ANAPC5: variants seen among roughly 807,000 people sequenced by gnomAD.
The protein encoded by ANAPC5 is anaphase-promoting complex subunit 5.
Under a neutral mutation model 91.3 loss-of-function variants are expected in ANAPC5, and 60 were observed. That is an observed-to-expected ratio of 0.66 (90% CI 0.53 to 0.81). The LOEUF is 0.81. Ranked by LOEUF, ANAPC5 falls within the 40% of genes least tolerant of loss-of-function variation. ANAPC5 has a pLI of 0.00. For synonymous variants in ANAPC5, 340 were observed against 364.1 expected (o/e 0.93, Z 0.75); for missense variants, 690 against 931.5 (o/e 0.74, Z 3.37).
chr12:121,327,368 C>G lies in ANAPC5; in HGVS notation c.1305-137G>C, dbSNP rs1037726147. 3.8e-6 allele frequency: 4 copies of G among 1,052,712 alleles called. No homozygotes were observed. In the African/African-American group the frequency reaches 4.9e-5, roughly 13 times the overall value. 65.2% of individuals were successfully genotyped at this position (1,052,712 alleles called of 1,614,324 possible). ...CTGGCTTTCTTGGGAGCAGATGCCT[C>G]CCAGTGCCAGCAACCTTGCCCTCAG... On this transcript the variant is annotated intron_variant, in intron 10 of 16. Transcript: ENST00000261819.
chr12:121,348,981 G>A (rs1317924972), intron 1 of ANAPC5, among the ~76,000 whole-genome samples: 2 of 152,110 alleles, frequency 1.3e-5, no homozygotes, highest in Non-Finnish European at 2.9e-5. Context: ...AAGACCATTT[G>A]GGGCCTGGCG....
rs782337541 is a variant in ANAPC5 at position 121,335,730 on chromosome 12, C to G, written c.760-7G>C. ...TTAAGTAGCTGAGATAATGCTAAAA[C>G]AAGAAATAATCAATGTATTTTAAAC... is the stretch of plus-strand genomic sequence containing the variant. On this transcript the variant is annotated splice_polypyrimidine_tract_variant and splice_region_variant and intron_variant, in intron 6 of 16. Coordinates refer to ENST00000261819, the MANE Select transcript of ANAPC5 (RefSeq NM_016237.5). 2.5e-6 allele frequency: 4 copies of G among 1,599,774 alleles called. No individual in the cohort carries two copies. The East Asian group carries it at 9.0e-5, about 36-fold the overall frequency.
In ANAPC5 at chr12:121,346,972, A is replaced by T; in HGVS notation, c.321T>A (p.Asp107Glu). ...IKLMAEGELK[D>E]MEQFFDDLSD... Reference sequence around the variant, plus strand: ...AAAGGTCATCAAAAAACTGTTCCATATCCTTCAACTCGCCTTCAGCCATCA... The same window carrying T: ...AAAGGTCATCAAAAAACTGTTCCATTTCCTTCAACTCGCCTTCAGCCATCA... Residue 107 changes from aspartate (D) to glutamate (E), a missense_variant, in exon 3 of 17, where the codon GAT becomes GAA. This residue lies in a region of ANAPC5 where 238 missense variants were observed against 264.9 expected (regional missense o/e 0.90). Transcript: ENST00000261819. 1 of 1,611,244 alleles carries T rather than the reference A, an allele frequency of 6.2e-7. No individual in the cohort carries two copies. Among genetic ancestry groups the T allele is most frequent in the Non-Finnish European group, 8.5e-7 (1 of 1,179,268 alleles).
At chr12:121,352,631 G>T (rs1275531005), upstream of ANAPC5, among the ~76,000 whole-genome samples, 1 of 150,948 alleles carries the variant, frequency 6.6e-6, no homozygotes, top group African/African-American at 2.4e-5. Flanking sequence ...GACAGGGACC[G>T]GATGGGAGGG....
chr12:121,330,671 C>G lies in ANAPC5; in HGVS notation c.1034G>C (p.Ser345Thr). 2 of 1,613,774 alleles carry G rather than the reference C, an allele frequency of 1.2e-6. No individual in the cohort carries two copies. Among genetic ancestry groups the G allele is most frequent in the African/African-American group, 1.3e-5 (1 of 75,034 alleles). Residue 345 changes from serine (S) to threonine (T), a missense_variant and splice_region_variant, in exon 9 of 17, where the codon AGC becomes ACC. Transcript: ENST00000261819. ...NDHVCLQHCL[S>T]WLYVLGQKRS... is the part of the protein sequence containing the mutation. ...CTTCTGCCCCAGCACATAAAGCCAG[C>G]TCTGGCAAGAGAAATCATCAAAATA...
At position 121,345,924 on chromosome 12, in the gene ANAPC5, T is replaced by A. The variant is rs1328325652; in HGVS notation, c.505A>T (p.Thr169Ser). 1 of 1,614,224 alleles carries A rather than the reference T, an allele frequency of 6.2e-7. No homozygotes were observed. The highest frequency in any genetic ancestry group is 1.7e-5 in the Admixed American group (1 of 60,018). Residue 169 changes from threonine (T) to serine (S), a missense_variant, in exon 4 of 17, where the codon ACA becomes TCA. Around this residue, in one of 5 missense-constraint regions of ANAPC5, gnomAD observed 238 missense variants for 264.9 expected, o/e 0.90. Transcript: ENST00000261819. ...QQYFQNGEKK[T>S]VEDADMELTS... ...AGTTCCATATCAGCATCCTCCACTG[T>A]CTTTTTCTCACCATTCTGGAAGTAC...
intron 15 of ANAPC5, among the ~76,000 whole-genome samples, chr12:121,316,752 A>G (rs954089182): frequency 4.6e-5 from 7 of 151,114 alleles, no homozygotes; most frequent in Non-Finnish European, 7.4e-5. Flanking sequence ...AAAAAAAAAA[A>G]AAAAAGAAAA....
At position 121,331,987 on chromosome 12, in the gene ANAPC5, C is replaced by A. The variant is rs1903059719; in HGVS notation, c.951-559G>T. On this transcript the variant is annotated intron_variant, in intron 7 of 16. Transcript: ENST00000261819. ...TGAGTAGCTGGGACTAAGGCACTCACCACCATGCTTGGTCGGCTAATTTTT... is the reference window on the plus strand; with the variant it reads ...TGAGTAGCTGGGACTAAGGCACTCAACACCATGCTTGGTCGGCTAATTTTT... 3 of 152,158 alleles carry A rather than the reference C, an allele frequency of 2.0e-5. No individual in the cohort carries two copies. In the South Asian group the frequency reaches 6.2e-4, roughly 32 times the overall value. The allele number at this position is 152,158 out of a possible 1,614,324, so 9.4% of individuals were successfully genotyped here.
rs1593567254 is a variant in ANAPC5 at position 121,308,367 on chromosome 12, G to A, written c.*113C>T. 2 of 788,686 alleles carry A rather than the reference G, an allele frequency of 2.5e-6. No homozygotes were observed. Among genetic ancestry groups the A allele is most frequent in the Non-Finnish European group, 4.1e-6 (2 of 487,590 alleles). 48.9% of individuals were successfully genotyped at this position (788,686 alleles called of 1,614,324 possible). A position where few individuals can be genotyped will look rare whatever the true frequency, so the allele number is the denominator to read the frequency against. On this transcript the variant is annotated 3_prime_UTR_variant, in exon 17 of 17. Transcript: ENST00000261819. ...CAAAATAAGACAAACTAATCAGAAT[G>A]CTGTTTATTGACAAGATAGGGTGTC...
intron 10 of ANAPC5, chr12:121,328,033 G>T: frequency 3.2e-6 from 1 of 311,112 alleles, no homozygotes; most frequent in Non-Finnish European, 6.0e-6. Context: ...TGCGATCGCG[G>T]GTAGATCAGA....
chr12:121,335,308 G>A (rs1903188244), intron 7 of ANAPC5: 3 of 310,582 alleles, frequency 9.7e-6, no homozygotes, highest in Non-Finnish European at 1.8e-5. Flanking sequence ...TGGGACTACA[G>A]GTGCCTGCCA....
At chr12:121,313,426 A>G (rs1349194897) in intron 15 of ANAPC5, among the ~76,000 whole-genome samples, 1 of 152,204 alleles carries the variant, frequency 6.6e-6, no homozygotes, top group East Asian at 1.9e-4. Flanking sequence ...GATAAACAAA[A>G]TGGAGACTAA....
In ANAPC5 at chr12:121,328,331, C is replaced by A; in HGVS notation, c.1289G>T (p.Arg430Met). The A allele has an allele frequency of 6.2e-7, 1 of 1,613,868 alleles. No individual in the cohort carries two copies. Among genetic ancestry groups the A allele is most frequent in the Non-Finnish European group, 8.5e-7 (1 of 1,179,988 alleles). ...GGAGACCTACCTGCGGCCATACAGC[C>A]TCCAGATGGCCGTTTTCTGTGCGAT... ...ISIAQKTAIW[R>M]LYGRSTMALQ... Residue 430 changes from arginine (R) to methionine (M), a missense_variant, in exon 10 of 17, where the codon AGG (arginine) becomes ATG (methionine). Physicochemically the swap from Arg to Met is moderately conservative, Grantham distance 91. This residue lies in a region of ANAPC5 where 317 missense variants were observed against 438.7 expected (regional missense o/e 0.72). Coordinates refer to ENST00000261819, the MANE Select transcript of ANAPC5 (RefSeq NM_016237.5).
At chr12:121,350,574 C>T (rs374859800) in intron 1 of ANAPC5, among the ~76,000 whole-genome samples, 9 of 151,508 alleles carry the variant, frequency 5.9e-5, no homozygotes, top group Non-Finnish European at 1.2e-4. Flanking sequence ...CCAGCTACTC[C>T]GGAGGCTGAG....
chr12:121,335,476 C>T (rs533136122), intron 7 of ANAPC5, 57 bp downstream of exon 7: 4 of 1,526,508 alleles, frequency 2.6e-6, no homozygotes, highest in Non-Finnish European at 3.5e-6. Flanking sequence ...AAACAGCAGA[C>T]TTTTTATTGT....
At chr12:121,348,141 C>T (rs1300288382) in intron 1 of ANAPC5, among the ~76,000 whole-genome samples, 1 of 152,160 alleles carries the variant, frequency 6.6e-6, no homozygotes, top group East Asian at 1.9e-4. Flanking sequence ...TCCTTCTTAG[C>T]TTTGTAATCA....
intron 15 of ANAPC5, among the ~76,000 whole-genome samples, chr12:121,314,412 A>AAAAC (rs377348221): frequency 6.6e-6 from 1 of 152,172 alleles, no homozygotes; most frequent in African/African-American, 2.4e-5. Context: ...CTCTATCTCA[A>AAAAC]AAACAAACAA....
chr12:121,338,405 T>C (rs1407713531), intron 5 of ANAPC5, among the ~76,000 whole-genome samples: 1 of 151,850 alleles, frequency 6.6e-6, no homozygotes, highest in South Asian at 2.1e-4. Flanking sequence ...CTGGCCAACA[T>C]AGTGAAACCC....
chr12:121,335,899 T>C (rs559203857), intron 6 of ANAPC5, among the ~76,000 whole-genome samples, 176 bp from the exon 7 acceptor site: 1 of 152,298 alleles, frequency 6.6e-6, no homozygotes, highest in East Asian at 1.9e-4. Context: ...TCAAGACACA[T>C]TCCCCCTAGA....
Sources: allele counts gnomAD v4.1 joint callset (sites outside exome capture counted in the v4.1 genomes callset), GRCh38; gene constraint gnomAD v4.1.1; regional missense constraint gnomAD v4.1.1; transcripts MANE v1.5; gene names NCBI Gene and HGNC (gene_info 2026-07-23, HGNC 2026-07-21).